KDELR3: variants seen among roughly 807,000 people sequenced by gnomAD.
KDELR3 encodes the protein KDEL endoplasmic reticulum protein retention receptor 3.
KDELR3 carries 26 observed loss-of-function variants against 22.7 expected under a neutral mutation model. That is an observed-to-expected ratio of 1.15 (90% confidence interval 0.84 to 1.59). The LOEUF (loss-of-function observed/expected upper bound fraction) is 1.59, where lower values mean the gene tolerates loss of function less well. Among genes scored for constraint, KDELR3 ranks in the 40% most tolerant of loss-of-function variants. The pLI, the probability that KDELR3 is intolerant of heterozygous loss-of-function variation, is 0.00. For missense variants in KDELR3, 289 were observed against 251.1 expected (o/e 1.15, Z -1.02); for synonymous variants, 120 against 98.2 (o/e 1.22, Z -1.31).
Position 38,481,341 on chromosome 22 carries a change from C to T in KDELR3, c.481C>T (p.Leu161Phe). 1.2e-6 allele frequency: 2 copies of T among 1,614,218 alleles called. No individual in the cohort carries two copies. Among genetic ancestry groups the T allele is most frequent in the Non-Finnish European group, 1.7e-6 (2 of 1,180,048 alleles). Residue 161 changes from leucine to phenylalanine, a missense_variant, in exon 4 of 5, where the codon CTC becomes TTC. Leu to Phe is a conservative substitution (Grantham distance 22). Coordinates refer to ENST00000216014, the MANE Select transcript of KDELR3 (RefSeq NM_006855.4). ...GTTCTTTCTGGGTCTGTACCGGGCA[C>T]TCTACCTGGCTAACTGGATCAGGCG... The part of the protein sequence containing the change: ...YLFFLGLYRA[L>F]YLANWIRRYQ...
chr22:38,481,439 C>T lies in KDELR3; in HGVS notation c.579C>T (p.Asp193=). Residue 193 remains aspartate (D), a synonymous_variant, in exon 4 of 5, where the codon GAC becomes GAT. Transcript: ENST00000216014. ...SGVVQTIFYC[D]FFYLYVTKVL... is the part of the protein sequence containing the mutation. ...TAGTACAAACCATCTTCTACTGTGACTTCTTCTACTTGTATGTGACCAAAG... is the reference window on the plus strand; with the variant it reads ...TAGTACAAACCATCTTCTACTGTGATTTCTTCTACTTGTATGTGACCAAAG... 1 of 1,614,082 alleles carries T rather than the reference C, an allele frequency of 6.2e-7. No individual in the cohort carries two copies. Among genetic ancestry groups the T allele is most frequent in the Non-Finnish European group, 8.5e-7 (1 of 1,179,960 alleles).
intron 1 of KDELR3, among the ~76,000 whole-genome samples, chr22:38,469,201 C>T (rs894288431): frequency 1.3e-5 from 2 of 152,250 alleles, no homozygotes; most frequent in Non-Finnish European, 2.9e-5. Flanking sequence ...TGGAGGGCTC[C>T]GGGGATGAAG....
chr22:38,481,552 C>T (rs201752382), intron 4 of KDELR3, 88 bp downstream of exon 4: 33 of 1,584,384 alleles, frequency 2.1e-5, no homozygotes, highest in Non-Finnish European at 2.7e-5. Context: ...CAGATGTGAA[C>T]AGTCAAGTCT....
At position 38,479,767 on chromosome 22, in the gene KDELR3, G is replaced by A. The variant is rs753518121; in HGVS notation, c.351+16G>A. On this transcript the variant is annotated intron_variant, in intron 3 of 4. Coordinates refer to ENST00000216014, the MANE Select transcript of KDELR3 (RefSeq NM_006855.4). ...TCTGCTGGAGGTAAGGGAATGGACT[G>A]AGTACCAGTTCTCAAAGGGAAATAT... 1.9e-6 allele frequency: 3 copies of A among 1,613,296 alleles called. No individual in the cohort carries two copies. The highest frequency in any genetic ancestry group is 1.7e-5 in the Admixed American group (1 of 59,992).
intron 2 of KDELR3, among the ~76,000 whole-genome samples, chr22:38,475,609 A>T (rs1569132177): frequency 6.6e-6 from 1 of 152,196 alleles, no homozygotes; most frequent in Non-Finnish European, 1.5e-5. Context: ...CCATGTAAAG[A>T]TCAAAGGACA....
intron 1 of KDELR3, 42 bp from the exon 2 acceptor site, chr22:38,474,481 G>C: frequency 6.6e-7 from 1 of 1,525,378 alleles, no homozygotes; most frequent in Non-Finnish European, 9.1e-7. Flanking sequence ...GCAGGCTTGG[G>C]AGTCTGTGTC....
At chr22:38,472,990 G>A (rs1320511965) in intron 1 of KDELR3, among the ~76,000 whole-genome samples, 4 of 152,000 alleles carry the variant, frequency 2.6e-5, no homozygotes, top group Admixed American at 6.6e-5. Flanking sequence ...ATGAGCCACC[G>A]CCCCCGGCCC....
intron 4 of KDELR3, chr22:38,481,709 A>T: frequency 7.8e-7 from 1 of 1,284,364 alleles, no homozygotes; most frequent in Non-Finnish European, 1.0e-6. Context: ...CTTGGTTAGT[A>T]GTGAAAAACA....
intron 1 of KDELR3, 94 bp downstream of exon 1, chr22:38,468,418 G>GGTGGGGACTCCGGCGTGGGGGT (rs2089501434): frequency 9.6e-7 from 1 of 1,039,408 alleles, no homozygotes; most frequent in Admixed American, 2.0e-5. Context: ...GTCTGCTCAG[G>GGTGGGGACTCCGGCGTGGGGGT]GTGGGGACTC....
chr22:38,480,802 C>G (rs983071063), intron 3 of KDELR3, among the ~76,000 whole-genome samples: 1 of 151,320 alleles, frequency 6.6e-6, no homozygotes, highest in Non-Finnish European at 1.5e-5. Context: ...TGGCACATGC[C>G]TGTATGTAGT....
chr22:38,478,153 G>A (rs956450078), intron 2 of KDELR3, among the ~76,000 whole-genome samples: 3 of 152,022 alleles, frequency 2.0e-5, no homozygotes, highest in South Asian at 2.1e-4. Context: ...AGACTGCTTC[G>A]AGGAAATAAC....
At chr22:38,468,863 C>T (rs1200965904) in intron 1 of KDELR3, among the ~76,000 whole-genome samples, 11 of 152,214 alleles carry the variant, frequency 7.2e-5, no homozygotes, top group Admixed American at 6.5e-4. Context: ...AAACGGAAGC[C>T]GGGGAAGGCT....
At chr22:38,477,410 G>A (rs1304568919) in intron 2 of KDELR3, among the ~76,000 whole-genome samples, 4 of 150,250 alleles carry the variant, frequency 2.7e-5, no homozygotes, top group Non-Finnish European at 5.9e-5. Context: ...TCACTATGTT[G>A]GCCGGGCTGG....
intron 2 of KDELR3, among the ~76,000 whole-genome samples, chr22:38,476,845 G>A (rs1427870808): frequency 9.8e-6 from 1 of 101,574 alleles, no homozygotes; most frequent in African/African-American, 3.8e-5. Flanking sequence ...TTTTTTTTTT[G>A]AGACAGAGTG....
At chr22:38,476,779 C>T (rs1050882433) in intron 2 of KDELR3, among the ~76,000 whole-genome samples, 1 of 151,272 alleles carries the variant, frequency 6.6e-6, no homozygotes, top group African/African-American at 2.4e-5. Flanking sequence ...CCACCTTGGC[C>T]CCCCAAAGTG....
At position 38,479,673 on chromosome 22, in the gene KDELR3, C is replaced by T. The variant is rs755785070; in HGVS notation, c.273C>T (p.Asp91=). The T allele has an allele frequency of 1.3e-5, 21 of 1,613,826 alleles. No individual in the cohort carries two copies. The highest frequency in any genetic ancestry group is 1.3e-5 in the Non-Finnish European group (15 of 1,179,822). The stretch of plus-strand genomic sequence containing the variant: ...GTAAAACTTTTGACAGTGAGAATGA[C>T]ACATTCCGCCTGGAGTTTCTTCTGG... The part of the protein sequence containing the change: ...KFRKTFDSEN[D]TFRLEFLLVP... Residue 91 remains aspartate (D), a synonymous_variant, in exon 3 of 5, where the codon GAC becomes GAT. Transcript: ENST00000216014.
intron 2 of KDELR3, 99 bp from the exon 3 acceptor site, chr22:38,479,494 G>C: frequency 9.0e-7 from 1 of 1,116,174 alleles, no homozygotes; most frequent in Non-Finnish European, 1.3e-6. Context: ...TTACATTATG[G>C]CAGAACACTG....
In KDELR3 at chr22:38,471,275, C is replaced by T. The variant is rs183788058; in HGVS notation, c.91+2951C>T. 2.9e-3 allele frequency among the ~76,000 whole-genome samples: 443 copies of T among 152,292 alleles called. 2 individuals are homozygous for T. Among genetic ancestry groups the T allele is most frequent in the African/African-American group, 8.8e-3 (365 of 41,560 alleles). On this transcript the variant is annotated intron_variant, in intron 1 of 4. Coordinates refer to ENST00000216014, the MANE Select transcript of KDELR3 (RefSeq NM_006855.4). ...AAAGAGGGGTAGGGGAAGGCCCAAG[C>T]GGGTGACCAAGCGTCCCCCACCAGG...
At position 38,474,571 on chromosome 22, in the gene KDELR3, G is replaced by A; in HGVS notation, c.140G>A (p.Arg47Lys). The change falls in exon 2 of 5, where the codon AGG becomes AAG. Residue 47 changes from arginine to lysine, a missense_variant. Arg to Lys is a conservative substitution (Grantham distance 26). Coordinates refer to ENST00000216014, the MANE Select transcript of KDELR3 (RefSeq NM_006855.4). ...QILFALVFTT[R>K]YLDLFTNFIS... ...CTGTTTGCTCTCGTCTTCACCACCA[G>A]GTACCTGGACCTGTTCACCAACTTC... 1 of 1,614,032 alleles carries A rather than the reference G, an allele frequency of 6.2e-7. No individual in the cohort carries two copies. Among genetic ancestry groups the A allele is most frequent in the Non-Finnish European group, 8.5e-7 (1 of 1,179,998 alleles).
Sources: gnomAD v4.1 joint callset for allele counts (sites outside exome capture counted in the v4.1 genomes callset) on GRCh38, gnomAD v4.1.1 for gene constraint, MANE v1.5 for transcripts, NCBI Gene and HGNC (gene_info 2026-07-23, HGNC 2026-07-21) for gene names.